Variants in GLIS3 observed in about 807,000 individuals in gnomAD.
The protein encoded by GLIS3 is GLIS family zinc finger 3.
GLIS3 carries 53 observed loss-of-function variants against 78.6 expected under a neutral mutation model. The observed-to-expected ratio is 0.67, with a 90% CI of 0.54 to 0.85. The LOEUF (loss-of-function observed/expected upper bound fraction) is 0.85, where lower values mean the gene tolerates loss of function less well. Ranked by LOEUF, GLIS3 falls within the 40% of genes least tolerant of loss-of-function variation. GLIS3 has a pLI of 0.00. For missense variants in GLIS3, 1,703 were observed against 1,231.1 expected, an observed-to-expected ratio of 1.38 and a Z score of -5.74; for synonymous variants, 684 against 509.9, an observed-to-expected ratio of 1.34 and a Z score of -4.60.
chr9:4,101,029 G>T (rs979676812), intron 4 of GLIS3, among the ~76,000 whole-genome samples: 1 of 152,062 alleles, frequency 6.6e-6, no homozygotes, highest in Non-Finnish European at 1.5e-5. Flanking sequence ...ATGAAATGAA[G>T]GAAACATAAA....
chr9:4,316,491 A>T (rs984292318), intron 2 of GLIS3, among the ~76,000 whole-genome samples: 6 of 152,236 alleles, frequency 3.9e-5, no homozygotes, highest in Non-Finnish European at 7.3e-5. Context: ...TGATGAGAAA[A>T]ACAAAATCAG....
At chr9:4,437,727 T>C in the GLIS3 span, among the ~76,000 whole-genome samples, 1 of 152,088 alleles carries the variant, frequency 6.6e-6, no homozygotes, top group Non-Finnish European at 1.5e-5. Context: ...ACCTCTGAAA[T>C]AGCAAGACCA....
At chr9:3,928,233 G>C (rs923617427) in intron 6 of GLIS3, among the ~76,000 whole-genome samples, 4 of 152,178 alleles carry the variant, frequency 2.6e-5, no homozygotes, top group African/African-American at 9.7e-5. Flanking sequence ...TCTGTGATAT[G>C]TGCCTATTAC....
At chr9:4,461,989 A>G in the GLIS3 span, among the ~76,000 whole-genome samples, 22,604 of 152,214 alleles carry the variant, frequency 0.15, 2,106 homozygotes, top group Non-Finnish European at 0.2. Flanking sequence ...GGTAAAAACT[A>G]TAAGATCTAC....
At chr9:3,970,026 G>A (rs943609183) in intron 4 of GLIS3, among the ~76,000 whole-genome samples, 1 of 152,172 alleles carries the variant, frequency 6.6e-6, no homozygotes, top group African/African-American at 2.4e-5. Context: ...AGTGAGTAAC[G>A]TTCACTGCAT....
rs1263220766 is a variant in GLIS3 at position 4,117,786 on chromosome 9, C to G, written c.1692G>C (p.Glu564Asp). Residue 564 changes from glutamate to aspartate, a missense_variant, in exon 4 of 11, where the codon GAG becomes GAC. Coordinates refer to ENST00000381971, the MANE Select transcript of GLIS3 (RefSeq NM_001042413.2). ...AACTCACCGTACACTTGTTGGGCTT[C>G]TCCCCAGAGTGGACTCTCATGTGGA... ...LLIHMRVHSG[E>D]KPNKCTFEGC... 2.5e-6 allele frequency: 4 copies of G among 1,614,094 alleles called. No individual in the cohort carries two copies. The Admixed American group carries it at 6.7e-5, about 27-fold the overall frequency.
chr9:4,451,413 C>A, the GLIS3 span, among the ~76,000 whole-genome samples: 2 of 152,118 alleles, frequency 1.3e-5, no homozygotes, highest in South Asian at 2.1e-4. Context: ...GTATTTAACA[C>A]CCCACTGTCA....
chr9:4,196,407 C>G (rs1045100156), intron 2 of GLIS3, among the ~76,000 whole-genome samples: 12 of 152,174 alleles, frequency 7.9e-5, no homozygotes, highest in Non-Finnish European at 1.8e-4. Flanking sequence ...GGTCCCTTTC[C>G]GCACTGTGGA....
chr9:4,140,687 A>G lies in GLIS3; in HGVS notation c.389-14746T>C, dbSNP rs80133069. Among the ~76,000 whole-genome samples, 5 of 152,186 alleles carry G rather than the reference A, an allele frequency of 3.3e-5. No homozygotes were observed. The East Asian group carries it at 9.6e-4, about 29-fold the overall frequency. On this transcript the variant is annotated intron_variant, in intron 2 of 10. Transcript: ENST00000381971. ...TAACTCTGAGCTCCAAAGCCCATTCAGCAGCTCATGTTTATGGCAAGAAAA... is the reference window on the plus strand; with the variant it reads ...TAACTCTGAGCTCCAAAGCCCATTCGGCAGCTCATGTTTATGGCAAGAAAA...
intron 4 of GLIS3, among the ~76,000 whole-genome samples, chr9:4,104,403 T>A (rs72687969): frequency 0.034 from 5,142 of 152,212 alleles, 133 homozygotes; most frequent in Middle Eastern, 0.065. Context: ...CAACCAGCTA[T>A]CCCAACTTCT....
intron 4 of GLIS3, among the ~76,000 whole-genome samples, chr9:4,039,171 C>T (rs1344853937): frequency 6.6e-6 from 1 of 152,202 alleles, no homozygotes; most frequent in Non-Finnish European, 1.5e-5. Context: ...CTACCCATTT[C>T]ATATGGAATT....
At chr9:4,388,768 T>C in the GLIS3 span, among the ~76,000 whole-genome samples, 3,335 of 152,204 alleles carry the variant, frequency 0.022, 113 homozygotes, top group African/African-American at 0.073. Flanking sequence ...ATATATGTAA[T>C]TGAAGTCCCA....
intron 2 of GLIS3, among the ~76,000 whole-genome samples, chr9:4,201,395 C>G (rs1370941593): frequency 6.6e-6 from 1 of 152,160 alleles, no homozygotes; most frequent in East Asian, 1.9e-4. Context: ...GTCAAACTGT[C>G]CCGTCTTTGT....
In GLIS3 at chr9:3,953,247, T is replaced by C. The variant is rs755183525; in HGVS notation, c.1711-16058A>G. 4.6e-5 allele frequency among the ~76,000 whole-genome samples: 7 copies of C among 152,256 alleles called. No homozygotes were observed. In the South Asian group the frequency reaches 8.3e-4, roughly 18 times the overall value. ...TTTCCATAGGGTATTCTTTTTATGA[T>C]AGAATCTTTTGAGAATATTTGTCTT... On this transcript the variant is annotated intron_variant, in intron 4 of 10. Coordinates refer to ENST00000381971, the MANE Select transcript of GLIS3 (RefSeq NM_001042413.2).
chr9:4,426,810 C>T, the GLIS3 span, among the ~76,000 whole-genome samples: 1 of 152,286 alleles, frequency 6.6e-6, no homozygotes, highest in East Asian at 1.9e-4. Flanking sequence ...ATAATAGCTC[C>T]CACTTCACAG....
intron 6 of GLIS3, chr9:3,901,231 A>G: frequency 5.5e-6 from 1 of 183,328 alleles, no homozygotes; most frequent in African/African-American, 2.4e-5. Context: ...GAGTGAATAA[A>G]CAGCCTTGTT....
chr9:4,467,399 C>T, the GLIS3 span, among the ~76,000 whole-genome samples: 2 of 152,300 alleles, frequency 1.3e-5, no homozygotes, highest in East Asian at 1.9e-4. Flanking sequence ...GCCACTGATA[C>T]CTCATATGGC....
At chr9:4,321,416 C>A (rs981337285) in intron 2 of GLIS3, among the ~76,000 whole-genome samples, 1 of 27,800 alleles carries the variant, frequency 3.6e-5, no homozygotes, top group East Asian at 9.7e-4. Context: ...AGCTAGACTC[C>A]GTCTCAAAAA....
At chr9:4,429,590 G>T in the GLIS3 span, among the ~76,000 whole-genome samples, 1 of 152,236 alleles carries the variant, frequency 6.6e-6, no homozygotes, top group South Asian at 2.1e-4. Flanking sequence ...ACTTCATAGT[G>T]CTTGACCCCA....
Sources: allele counts gnomAD v4.1 joint callset (sites outside exome capture counted in the v4.1 genomes callset), GRCh38; gene constraint gnomAD v4.1.1; transcripts MANE v1.5; gene names NCBI Gene and HGNC (gene_info 2026-07-23, HGNC 2026-07-21).